LGI4: variants seen among roughly 807,000 people sequenced by gnomAD.
LGI4 encodes leucine rich repeat LGI family member 4.
A neutral mutation model predicts 48.3 loss-of-function variants in LGI4; 36 were observed. The observed-to-expected ratio is 0.75, with a 90% CI of 0.57 to 0.98. LGI4 has a LOEUF of 0.98. Among genes scored for constraint, LGI4 ranks in the 50% least tolerant of loss-of-function variants. LGI4 has a pLI of 0.00. For synonymous variants in LGI4, 355 were observed against 331.6 expected, an observed-to-expected ratio of 1.07 and a Z score of -0.77; for missense variants, 701 against 732.1, an observed-to-expected ratio of 0.96 and a Z score of 0.49.
chr19:35,126,257 G>T lies in LGI4; in HGVS notation c.1299+13C>A. 1 of 1,610,268 alleles carries T rather than the reference G, an allele frequency of 6.2e-7. No individual in the cohort carries two copies. Among genetic ancestry groups the T allele is most frequent in the Non-Finnish European group, 8.5e-7 (1 of 1,178,836 alleles). On this transcript the variant is annotated intron_variant, in intron 8 of 8. Transcript: ENST00000310123. ...CTGAAAAGCCAGCCCCCCGCCCCCA[G>T]GCCCAGCCTCACCATGGAGTCCCCA...
rs2145359830 is a variant in LGI4 at position 35,126,722 on chromosome 19, G to A, written c.847C>T (p.Leu283=). The change falls in exon 8 of 9, where the codon CTG becomes TTG. Residue 283 remains leucine (L), a synonymous_variant. Transcript: ENST00000310123. ...PLVLGPSLFV[L]AARLWGGSQL... is the part of the protein sequence containing the mutation. ...GAGCCCCCCCACAGGCGGGCAGCCA[G>A]CACGAAGAGGCTCGGGCCCAGCACC... The A allele has an allele frequency of 6.5e-7, 1 of 1,541,076 alleles. No individual in the cohort carries two copies.
rs567208097 is a variant in LGI4, at chr19:35,133,731, C to T, written c.276G>A (p.Glu92=). The T allele has an allele frequency of 1.2e-6, 2 of 1,609,834 alleles. No homozygotes were observed. The highest frequency in any genetic ancestry group is 1.3e-5 in the African/African-American group (1 of 74,982). The part of the protein sequence containing the change: ...LFTSNSFSVI[E]DDAFAGLSHL... ...GGGACAGGCCCGCAAATGCATCGTC[C>T]TCAATCACGGAGAAGGAGTTGGAGG... Residue 92 remains glutamate (E), a synonymous_variant, in exon 3 of 9, where the codon GAG becomes GAA. Coordinates refer to ENST00000310123, the MANE Select transcript of LGI4 (RefSeq NM_139284.3).
intron 6 of LGI4, among the ~76,000 whole-genome samples, chr19:35,129,034 A>G (rs926320073): frequency 1.3e-5 from 2 of 152,044 alleles, no homozygotes; most frequent in East Asian, 1.9e-4. Context: ...AGTTATCACA[A>G]CGTATAGCAC....
intron 6 of LGI4, among the ~76,000 whole-genome samples, chr19:35,129,879 G>T (rs917207287): frequency 1.3e-5 from 2 of 152,090 alleles, no homozygotes; most frequent in Non-Finnish European, 2.9e-5. Flanking sequence ...GGAATGTCTC[G>T]GTGTAAAACC....
At chr19:35,133,593 C>T in intron 3 of LGI4, 100 bp downstream of exon 3, 1 of 1,493,944 alleles carries the variant, frequency 6.7e-7, no homozygotes. Flanking sequence ...CAAACACCTG[C>T]TCCTCAGGGC....
At chr19:35,129,992 T>A (rs1425289267) in intron 6 of LGI4, among the ~76,000 whole-genome samples, 2 of 152,130 alleles carry the variant, frequency 1.3e-5, no homozygotes, top group African/African-American at 4.8e-5. Context: ...CACTGAGATG[T>A]TTGTGTAAAG....
rs147219568 is a variant in LGI4, at chr19:35,128,097, C to A, written c.629-1080G>T. On this transcript the variant is annotated intron_variant, in intron 6 of 8. Coordinates refer to ENST00000310123, the MANE Select transcript of LGI4 (RefSeq NM_139284.3). ...TTCCCACCACGTGGGTGTGCCACAA[C>A]CTGGTTTCAAGCCTGAAAGCAAGGA... Among the ~76,000 whole-genome samples the A allele has an allele frequency of 6.7e-3, 1,025 of 152,354 alleles. 3 individuals carry two copies. Among genetic ancestry groups the A allele is most frequent in the Non-Finnish European group, 0.01 (699 of 68,028 alleles).
Position 35,125,360 on chromosome 19 carries a change from G to A in LGI4, c.1447C>T (p.Pro483Ser). Residue 483 changes from proline (P) to serine (S), a missense_variant, in exon 9 of 9, where the codon CCT (proline) becomes TCT (serine). Coordinates refer to ENST00000310123, the MANE Select transcript of LGI4 (RefSeq NM_139284.3). Reference sequence around the variant, plus strand: ...AGTGGCTCCAGGAGCCCCTTGTCAGGCTCAAGGCGGAGGACCTGGCTGAAG... The same window carrying A: ...AGTGGCTCCAGGAGCCCCTTGTCAGACTCAAGGCGGAGGACCTGGCTGAAG... ...FAFSQVLRLE[P>S]DKGLLEPLQE... is the part of the protein sequence containing the mutation. 6.2e-7 allele frequency: 1 copy of A among 1,613,470 alleles called. No individual in the cohort carries two copies. The highest frequency in any genetic ancestry group is 8.5e-7 in the Non-Finnish European group (1 of 1,179,634).
Position 35,125,090 on chromosome 19 carries a change from AC to A in LGI4, c.*102del, listed in dbSNP as rs1800441962. 7 of 1,004,376 alleles carry A rather than the reference AC, an allele frequency of 7.0e-6. No individual in the cohort carries two copies. Among genetic ancestry groups the A allele is most frequent in the Non-Finnish European group, 1.0e-5 (7 of 701,382 alleles). 62.2% of individuals were successfully genotyped at this position (1,004,376 alleles called of 1,614,324 possible). A position where few individuals can be genotyped will look rare whatever the true frequency, so the allele number is the denominator to read the frequency against. On this transcript the variant is annotated 3_prime_UTR_variant, in exon 9 of 9. Coordinates refer to ENST00000310123, the MANE Select transcript of LGI4 (RefSeq NM_139284.3). ...GACGTGTGGCTGATGAACGTGGCCCACGGTCAGCAGCTCACAGGCGGGCCAT... is the reference window on the plus strand; with the variant it reads ...GACGTGTGGCTGATGAACGTGGCCCAGGTCAGCAGCTCACAGGCGGGCCAT...
At position 35,134,089 on chromosome 19, in the gene LGI4, C is replaced by G. The variant is rs543389553; in HGVS notation, c.186G>C (p.Thr62=). ...TGCCGGCCTTCAGCTGGGTGACTCC[C>G]GTCCTGACGAGTGAGCTGGGGATGT... The part of the protein sequence containing the change: ...PTLLSLSLVR[T]GVTQLKAGSF... The change falls in exon 2 of 9, where the codon ACG becomes ACC. Residue 62 remains threonine (T), a synonymous_variant. Transcript: ENST00000310123. The G allele has an allele frequency of 2.6e-6, 4 of 1,565,548 alleles. No homozygotes were observed. Among genetic ancestry groups the G allele is most frequent in the Non-Finnish European group, 3.5e-6 (4 of 1,154,588 alleles).
Position 35,126,847 on chromosome 19 carries a change from G to A in LGI4, c.793+6C>T. ...GGACAGGCAGAAGGACGGGGAGGGG[G>A]CTCACCGGGCAGCTCTTCCTCGGGC... On this transcript the variant is annotated splice_donor_region_variant and intron_variant, in intron 7 of 8. Coordinates refer to ENST00000310123, the MANE Select transcript of LGI4 (RefSeq NM_139284.3). The A allele has an allele frequency of 6.2e-7, 1 of 1,608,360 alleles. No individual in the cohort carries two copies.
chr19:35,126,594 C>T lies in LGI4; in HGVS notation c.975G>A (p.Leu325=). 6.5e-7 allele frequency: 1 copy of T among 1,541,944 alleles called. No homozygotes were observed. Among genetic ancestry groups the T allele is most frequent in the South Asian group, 1.2e-5 (1 of 84,404 alleles). Residue 325 remains leucine, a synonymous_variant, in exon 8 of 9, where the codon CTG becomes CTA. Transcript: ENST00000310123. ...LRPNDAELLW[L]EGQPCFVVAD... The stretch of plus-strand genomic sequence containing the variant: ...CCACCACGAAGCAGGGTTGCCCTTC[C>T]AGCCACAGGAGCTCGGCGTCATTGG...
chr19:35,128,899 G>A (rs1196545492), intron 6 of LGI4, among the ~76,000 whole-genome samples: 2 of 152,140 alleles, frequency 1.3e-5, no homozygotes, highest in Non-Finnish European at 2.9e-5. Context: ...CGGCCAGGCT[G>A]TTCCCTCTCT....
rs538317089 is a variant in LGI4 at position 35,133,802 on chromosome 19, C to T, written c.243-38G>A. ...CAAGAAAGAAATTTTTCCAGAATTG[C>T]AGCCCCCATCTGACATTTTAACCCT... On this transcript the variant is annotated intron_variant, in intron 2 of 8. Transcript: ENST00000310123. The T allele has an allele frequency of 3.2e-6, 5 of 1,563,714 alleles. No homozygotes were observed. The South Asian group carries it at 5.9e-5, about 18-fold the overall frequency.
rs1398998828 is a variant in LGI4 at position 35,125,177 on chromosome 19, A to C, written c.*16T>G. The C allele has an allele frequency of 6.6e-7, 1 of 1,508,808 alleles. No individual in the cohort carries two copies. Among genetic ancestry groups the C allele is most frequent in the Non-Finnish European group, 8.9e-7 (1 of 1,126,738 alleles). The allele number at this position is 1,508,808 out of a possible 1,614,324, so 93.5% of individuals were successfully genotyped here. A position where few individuals can be genotyped will look rare whatever the true frequency, so the allele number is the denominator to read the frequency against. ...GTCCAGGGGCCCCAGCCATGCCCAGAGTCCCGTTGGTGGTCTCAGGCACTG... is the reference window on the plus strand; with the variant it reads ...GTCCAGGGGCCCCAGCCATGCCCAGCGTCCCGTTGGTGGTCTCAGGCACTG... On this transcript the variant is annotated 3_prime_UTR_variant, in exon 9 of 9. Coordinates refer to ENST00000310123, the MANE Select transcript of LGI4 (RefSeq NM_139284.3).
chr19:35,127,840 GC>G (rs1256492380), intron 6 of LGI4, among the ~76,000 whole-genome samples: 8 of 152,202 alleles, frequency 5.3e-5, no homozygotes, highest in African/African-American at 1.9e-4. Context: ...ACTGGCACAG[GC>G]AGTCTGTTAT....
chr19:35,125,899 C>T, intron 8 of LGI4: 1 of 536,252 alleles, frequency 1.9e-6, no homozygotes, highest in Non-Finnish European at 3.5e-6. Context: ...AGGGCCCTTC[C>T]AGACTCAGAA....
At chr19:35,128,079 C>T (rs529641592) in intron 6 of LGI4, among the ~76,000 whole-genome samples, 118 of 152,354 alleles carry the variant, frequency 7.7e-4, no homozygotes, top group African/African-American at 2.7e-3. Flanking sequence ...CCTTTCCCAC[C>T]ACGTGGGTGT....
At position 35,125,007 on chromosome 19, in the gene LGI4, G is replaced by A. The variant is rs1459040645; in HGVS notation, c.*186C>T. The A allele has an allele frequency of 3.4e-5, 16 of 466,490 alleles. No homozygotes were observed. Among genetic ancestry groups the A allele is most frequent in the Non-Finnish European group, 5.1e-5 (14 of 271,952 alleles). The allele number at this position is 466,490 out of a possible 1,614,324, so 28.9% of individuals were successfully genotyped here. A position where few individuals can be genotyped will look rare whatever the true frequency, so the allele number is the denominator to read the frequency against. ...GGCAGCTCGGGAGGTCCAGTAGGCT[G>A]GGACCCTCTATGTCCCCCCATGGGT... On this transcript the variant is annotated 3_prime_UTR_variant, in exon 9 of 9. Coordinates refer to ENST00000310123, the MANE Select transcript of LGI4 (RefSeq NM_139284.3).
Sources: allele counts gnomAD v4.1 joint callset (sites outside exome capture counted in the v4.1 genomes callset), GRCh38; gene constraint gnomAD v4.1.1; transcripts MANE v1.5; gene names NCBI Gene and HGNC (gene_info 2026-07-23, HGNC 2026-07-21).